FAM20A: variants seen among roughly 807,000 people sequenced by gnomAD.
FAM20A encodes the protein pseudokinase FAM20A.
In FAM20A, 42 loss-of-function variants were observed where a neutral mutation model predicts 52.0. That is an observed-to-expected ratio of 0.81 (90% CI 0.63 to 1.04). The LOEUF is 1.04. FAM20A is among the 50% of genes least tolerant of loss of function. The probability of loss-of-function intolerance (pLI) is 0.00; values close to 1 mark genes in which losing one functional copy is unlikely to be tolerated. For synonymous variants in FAM20A, 304 were observed against 298.9 expected, an observed-to-expected ratio of 1.02 and a Z score of -0.18; for missense variants, 742 against 712.7, an observed-to-expected ratio of 1.04 and a Z score of -0.47.
intron 1 of FAM20A, among the ~76,000 whole-genome samples, chr17:68,598,489 C>T (rs1243273145): frequency 6.6e-6 from 1 of 152,150 alleles, no homozygotes; most frequent in East Asian, 1.9e-4. Flanking sequence ...GGGAAAATGT[C>T]ACATTTGAGC....
intron 7 of FAM20A, 123 bp from the exon 8 acceptor site, chr17:68,541,081 G>C (rs2086268951): frequency 6.8e-7 from 1 of 1,463,862 alleles, no homozygotes; most frequent in South Asian, 1.3e-5. Flanking sequence ...GCTGGTGGCA[G>C]CTTCTAAAAT....
rs1366466419 is a variant in FAM20A at position 68,537,296 on chromosome 17, T to G, written c.*181A>C. On this transcript the variant is annotated 3_prime_UTR_variant, in exon 11 of 11. Coordinates refer to ENST00000592554, the MANE Select transcript of FAM20A (RefSeq NM_017565.4). This position sits in a 1 kb window ranked among gnomAD's most constrained non-coding sequence, Gnocchi z 4.2. Reference sequence around the variant, plus strand: ...GCAAGGCAACGCACGACAGAAGCGGTGCACCAAGGAGTAAAGATTCAGTTC... The same window carrying G: ...GCAAGGCAACGCACGACAGAAGCGGGGCACCAAGGAGTAAAGATTCAGTTC... 1 of 813,558 alleles carries G rather than the reference T, an allele frequency of 1.2e-6. No individual in the cohort carries two copies. The highest frequency in any genetic ancestry group is 2.0e-6 in the Non-Finnish European group (1 of 489,266). 50.4% of individuals were successfully genotyped at this position (813,558 alleles called of 1,614,324 possible). A position where few individuals can be genotyped will look rare whatever the true frequency, so the allele number is the denominator to read the frequency against.
chr17:68,591,093 C>CTTGTTTTGTTTTGTTT lies in FAM20A; in HGVS notation c.404+9169_404+9170insAAACAAAACAAAACAA, dbSNP rs57737609. ...GACAAAGACACAGAGTCCAAGGACT[C>CTTGTTTTGTTTTGTTT]TGTTTTGTTTTGTTTTGTTTTGTTT... On this transcript the variant is annotated intron_variant, in intron 1 of 10. Transcript: ENST00000592554. 8.3e-4 allele frequency among the ~76,000 whole-genome samples: 125 copies of CTTGTTTTGTTTTGTTT among 149,950 alleles called. 1 individual carries two copies. The highest frequency in any genetic ancestry group is 2.9e-3 in the African/African-American group (118 of 40,686).
rs2087854263 is a variant in FAM20A at position 68,578,868 on chromosome 17, T to TG, written c.404+21394_404+21395insC. Reference sequence around the variant, plus strand: ...AAAAAAAAAAAAAAAAAAAAAAAATTACTGGGCGTGGTGGCAGGTGCCTGT... The same window carrying TG: ...AAAAAAAAAAAAAAAAAAAAAAAATTGACTGGGCGTGGTGGCAGGTGCCTGT... On this transcript the variant is annotated intron_variant, in intron 1 of 10. Coordinates refer to ENST00000592554, the MANE Select transcript of FAM20A (RefSeq NM_017565.4). Among the ~76,000 whole-genome samples, 2 of 548 alleles carry TG rather than the reference T, an allele frequency of 3.6e-3. 1 individual carries two copies. The highest frequency in any genetic ancestry group is 0.011 in the African/African-American group (2 of 174). 0.4% of individuals were successfully genotyped at this position (548 alleles called of 152,430 possible).
intron 1 of FAM20A, among the ~76,000 whole-genome samples, chr17:68,564,800 G>A (rs368925015): frequency 2.6e-5 from 4 of 152,268 alleles, no homozygotes; most frequent in East Asian, 3.9e-4. Context: ...GGATATGGGA[G>A]CTGAGGGCGT....
At chr17:68,567,700 A>AT (rs2087417832) in intron 1 of FAM20A, among the ~76,000 whole-genome samples, 1 of 151,920 alleles carries the variant, frequency 6.6e-6, no homozygotes, top group South Asian at 2.1e-4. Flanking sequence ...GTACTCTGAT[A>AT]TGGTTTGGTT....
intron 1 of FAM20A, among the ~76,000 whole-genome samples, chr17:68,562,254 A>G (rs1381480216): frequency 4.6e-5 from 7 of 152,256 alleles, no homozygotes; most frequent in African/African-American, 2.4e-5. Context: ...TATTGTTTGT[A>G]ACTGTAAAAA....
intron 1 of FAM20A, among the ~76,000 whole-genome samples, chr17:68,597,418 T>C (rs1255969082): frequency 6.6e-6 from 1 of 152,010 alleles, no homozygotes; most frequent in East Asian, 1.9e-4. Context: ...GGAATCTCAC[T>C]GTGTTGCCCA....
chr17:68,555,089 C>G (rs1156290743), intron 2 of FAM20A, among the ~76,000 whole-genome samples: 3 of 152,220 alleles, frequency 2.0e-5, no homozygotes, highest in Non-Finnish European at 4.4e-5. Flanking sequence ...GCTTTTGTCT[C>G]TGCTAATAAT....
chr17:68,594,384 GCGAGACTC>G (rs2088394430), intron 1 of FAM20A, among the ~76,000 whole-genome samples: 2 of 149,426 alleles, frequency 1.3e-5, no homozygotes, highest in African/African-American at 5.0e-5. Context: ...GGGCGACAGA[GCGAGACTC>G]CGTCTCAAAA....
intron 1 of FAM20A, among the ~76,000 whole-genome samples, chr17:68,564,484 C>T (rs1307989428): frequency 1.3e-5 from 2 of 152,174 alleles, no homozygotes; most frequent in Non-Finnish European, 2.9e-5. Flanking sequence ...CTTGGAACAT[C>T]CCATAAGCAA....
intron 1 of FAM20A, among the ~76,000 whole-genome samples, chr17:68,575,726 TTATATATTATATATTTTA>T (rs2087741004): frequency 1.6e-5 from 2 of 123,114 alleles, no homozygotes; most frequent in Non-Finnish European, 3.3e-5. Context: ...ATTTTATATT[TTATATATTATATATTTTA>T]TATATTATAT....
At chr17:68,567,260 G>A (rs559068361) in intron 1 of FAM20A, among the ~76,000 whole-genome samples, 9 of 152,032 alleles carry the variant, frequency 5.9e-5, no homozygotes, top group South Asian at 2.1e-4. Flanking sequence ...ATCTGTAAAC[G>A]AACAGGCAAA....
intron 4 of FAM20A, among the ~76,000 whole-genome samples, chr17:68,548,696 A>C (rs574439460): frequency 6.6e-6 from 1 of 151,326 alleles, no homozygotes; most frequent in Admixed American, 6.6e-5. Context: ...AATAAAGTGA[A>C]ACGCAGATAC....
chr17:68,535,391 T>C lies in FAM20A; in HGVS notation c.*2086A>G, dbSNP rs757219431. 1.0e-4 allele frequency: 46 copies of C among 453,992 alleles called. No homozygotes were observed. The highest frequency in any genetic ancestry group is 6.2e-4 in the South Asian group (40 of 64,486). The allele number at this position is 453,992 out of a possible 1,614,324, so 28.1% of individuals were successfully genotyped here. A position where few individuals can be genotyped will look rare whatever the true frequency, so the allele number is the denominator to read the frequency against. On this transcript the variant is annotated 3_prime_UTR_variant, in exon 11 of 11. Coordinates refer to ENST00000592554, the MANE Select transcript of FAM20A (RefSeq NM_017565.4). ...CCATTGGAAAACCAGTCCTTCGTTA[T>C]AGGAGGTGGCGGGTTTTGAGGTAGA...
chr17:68,581,358 C>CTTTCTTTCTTTCTTTCTTTCTT (rs1568773786), intron 1 of FAM20A, among the ~76,000 whole-genome samples: 1 of 112,558 alleles, frequency 8.9e-6, no homozygotes, highest in African/African-American at 3.4e-5. Context: ...GTTTTTCTTT[C>CTTTCTTTCTTTCTTTCTTTCTT]TTTCTTTCTT....
chr17:68,542,932 C>T (rs149040616), intron 5 of FAM20A, 123 bp from the exon 6 acceptor site: 8 of 746,018 alleles, frequency 1.1e-5, no homozygotes, highest in South Asian at 2.8e-5. Context: ...GCCGGTGAGG[C>T]GTGACTCTGC....
chr17:68,570,372 C>T (rs1175351196), intron 1 of FAM20A, among the ~76,000 whole-genome samples: 1 of 152,184 alleles, frequency 6.6e-6, no homozygotes, highest in African/African-American at 2.4e-5. Context: ...CTACACCTGG[C>T]CAACAGATGC....
Position 68,537,451 on chromosome 17 carries a change from T to A in FAM20A, c.*26A>T. 1 of 1,613,946 alleles carries A rather than the reference T, an allele frequency of 6.2e-7. No homozygotes were observed. The highest frequency in any genetic ancestry group is 8.5e-7 in the Non-Finnish European group (1 of 1,179,964). ...TCGACTGCTCTGGCTCCAGGCGTAT[T>A]TTCTGAAACTGGACTCTGCCAGCCC... On this transcript the variant is annotated 3_prime_UTR_variant, in exon 11 of 11. Coordinates refer to ENST00000592554, the MANE Select transcript of FAM20A (RefSeq NM_017565.4). The surrounding 1 kb of genome is among the most constrained non-coding windows in gnomAD (Gnocchi z 4.2).
Sources: gnomAD v4.1 joint callset for allele counts (sites outside exome capture counted in the v4.1 genomes callset) on GRCh38, gnomAD v4.1.1 for gene constraint, Gnocchi (gnomAD v3.1) non-coding constraint, MANE v1.5 for transcripts, NCBI Gene and HGNC (gene_info 2026-07-23, HGNC 2026-07-21) for gene names.